The following ATAT1 variants were observed in gnomAD, a reference collection of about 807,000 sequenced individuals.
ATAT1 encodes the protein alpha-tubulin N-acetyltransferase 1.
Under a neutral mutation model 57.2 loss-of-function variants are expected in ATAT1, and 42 were observed. That is an observed-to-expected ratio of 0.73 (90% confidence interval 0.57 to 0.95). The LOEUF (loss-of-function observed/expected upper bound fraction) is 0.95. Among genes scored for constraint, ATAT1 ranks in the 40% least tolerant of loss-of-function variants. The probability of loss-of-function intolerance (pLI) is 0.00; values close to 1 mark genes in which losing one functional copy is unlikely to be tolerated. For missense variants in ATAT1, 454 were observed against 523.7 expected (o/e 0.87, Z 1.30); for synonymous variants, 168 against 187.1 (o/e 0.90, Z 0.83).
chr6:30,643,876 C>T (rs1164086564), intron 10 of ATAT1: 9 of 1,258,948 alleles, frequency 7.1e-6, no homozygotes, highest in Non-Finnish European at 9.0e-6. Flanking sequence ...GAAGCACACT[C>T]TTGCTTGCTG....
In ATAT1 at chr6:30,642,832, A is replaced by AACCCCCCCCCCCCCCCCCCCCCCCCC; in HGVS notation, c.753_754insACCCCCCCCCCCCCCCCCCCCCCCCC (p.Ala252ThrfsTer76). On this transcript the variant is annotated frameshift_variant, in exon 10 of 13. Coordinates refer to ENST00000330083, the MANE Select transcript of ATAT1 (RefSeq NM_001031722.4). LOFTEE classifies it high-confidence loss of function. ...GGGCCCCTCGCCGCGCCACACCTCC[A>AACCCCCCCCCCCCCCCCCCCCCCCCC]GCCCACCCACCCCCCCGCTCCAGCA... The AACCCCCCCCCCCCCCCCCCCCCCCCC allele has an allele frequency of 8.1e-7, 1 of 1,230,750 alleles. No individual in the cohort carries two copies. The highest frequency in any genetic ancestry group is 1.1e-6 in the Non-Finnish European group (1 of 892,690). The allele number at this position is 1,230,750 out of a possible 1,614,324, so 76.2% of individuals were successfully genotyped here.
chr6:30,642,058 T>C (rs78802957), intron 8 of ATAT1, 118 bp from the exon 9 acceptor site: 31,815 of 1,569,070 alleles, frequency 0.02, 900 homozygotes, highest in East Asian at 0.11. Context: ...CTGCAAGTTC[T>C]CAGGAGGAAC....
intron 10 of ATAT1, chr6:30,644,358 T>C: frequency 1.0e-6 from 1 of 985,876 alleles, no homozygotes; most frequent in African/African-American, 1.7e-5. Context: ...GGTCCCGATA[T>C]ACTCCTGTCT....
At chr6:30,644,743 C>T in intron 10 of ATAT1, 2 of 667,494 alleles carry the variant, frequency 3.0e-6, no homozygotes, top group Non-Finnish European at 3.7e-6. Flanking sequence ...CTGTCCCTCT[C>T]ATTTCTCACT....
rs748950049 is a variant in ATAT1 at position 30,627,688 on chromosome 6, G to T, written c.185G>T (p.Arg62Leu). The T allele has an allele frequency of 6.2e-7, 1 of 1,612,822 alleles. No individual in the cohort carries two copies. The highest frequency in any genetic ancestry group is 1.3e-5 in the African/African-American group (1 of 74,882). Residue 62 changes from arginine to leucine, a missense_variant, in exon 3 of 13, where the codon CGC (arginine) becomes CTC (leucine). This residue lies in a region of ATAT1 where 236 missense variants were observed against 284.5 expected (regional missense o/e 0.83). Transcript: ENST00000330083. ...AGTGCATCAAGGATGCAGAGTAACC[G>T]CCATGTTGTTTATATTCTCAAAGAC...
At chr6:30,641,444 C>T (rs925758041) in intron 8 of ATAT1, among the ~76,000 whole-genome samples, 3 of 152,130 alleles carry the variant, frequency 2.0e-5, no homozygotes, top group African/African-American at 7.2e-5. Flanking sequence ...AGGTCTCAGG[C>T]CTGCAGGGGA....
intron 6 of ATAT1, among the ~76,000 whole-genome samples, chr6:30,633,105 CA>C: frequency 6.6e-6 from 1 of 152,202 alleles, no homozygotes; most frequent in East Asian, 1.9e-4. Context: ...GAAGGTAAAG[CA>C]AGTAAGATTT....
At chr6:30,634,144 G>T (rs1379060498) in intron 6 of ATAT1, among the ~76,000 whole-genome samples, 1 of 151,692 alleles carries the variant, frequency 6.6e-6, no homozygotes, top group Non-Finnish European at 1.5e-5. Context: ...AACAGAGGAG[G>T]AAAAAAGAAC....
Position 30,645,930 on chromosome 6 carries a change from G to C in ATAT1, c.968G>C (p.Cys323Ser). Residue 323 changes from cysteine (C) to serine (S), a missense_variant, in exon 11 of 13, where the codon TGC becomes TCC. By Grantham distance (112) the Cys-to-Ser change is moderately radical. Transcript: ENST00000330083. ...CCAGGTCTGGTAGCCCAAAGCTGCT[G>C]CTACAGCCGCCATGGGGGGGTGAAT... 1 of 1,525,742 alleles carries C rather than the reference G, an allele frequency of 6.6e-7. No individual in the cohort carries two copies. The highest frequency in any genetic ancestry group is 8.8e-7 in the Non-Finnish European group (1 of 1,136,232). 94.5% of individuals were successfully genotyped at this position (1,525,742 alleles called of 1,614,324 possible).
chr6:30,631,576 C>G (rs1762882891), intron 6 of ATAT1, among the ~76,000 whole-genome samples: 1 of 150,588 alleles, frequency 6.6e-6, no homozygotes, highest in Non-Finnish European at 1.5e-5. Context: ...CCCAGGAGTT[C>G]GAGACTAGCC....
chr6:30,646,298 G>A (rs1432152279), intron 12 of ATAT1, 171 bp from the exon 13 acceptor site: 2 of 1,448,280 alleles, frequency 1.4e-6, no homozygotes, highest in Non-Finnish European at 1.8e-6. Flanking sequence ...ACTTCCCTTT[G>A]GAATACGGAT....
chr6:30,643,953 T>C, intron 10 of ATAT1: 2 of 1,069,932 alleles, frequency 1.9e-6, no homozygotes, highest in Non-Finnish European at 2.3e-6. Flanking sequence ...TAAGGAATTT[T>C]ATCTATGGGA....
At chr6:30,638,112 C>T (rs1297146190) in intron 6 of ATAT1, among the ~76,000 whole-genome samples, 6 of 152,002 alleles carry the variant, frequency 3.9e-5, no homozygotes, top group South Asian at 2.1e-4. Flanking sequence ...CTCCTGACCT[C>T]GTGATCGGCC....
chr6:30,635,098 GC>G (rs1189614865), intron 6 of ATAT1, among the ~76,000 whole-genome samples: 1 of 152,146 alleles, frequency 6.6e-6, no homozygotes, highest in African/African-American at 2.4e-5. Context: ...GGTTAAAAAG[GC>G]CAAAGATAAA....
At chr6:30,634,400 G>A (rs889813514) in intron 6 of ATAT1, among the ~76,000 whole-genome samples, 3 of 151,596 alleles carry the variant, frequency 2.0e-5, no homozygotes, top group African/African-American at 4.8e-5. Context: ...ACAGGCGCCC[G>A]CCACCACACC....
At chr6:30,642,126 C>G (rs754822200) in intron 8 of ATAT1, 50 bp from the exon 9 acceptor site, 6 of 1,612,362 alleles carry the variant, frequency 3.7e-6, no homozygotes, top group Non-Finnish European at 5.1e-6. Context: ...AGGAGGGGTG[C>G]AAAGTATGTC....
At position 30,642,833 on chromosome 6, in the gene ATAT1, G is replaced by GGGGGGGGACCCCCCCCCCCCC; in HGVS notation, c.754_755insGGGGGGGACCCCCCCCCCCCC (p.Ala252delinsGlyGlyGlyProProProProPro). 6.5e-7 allele frequency: 1 copy of GGGGGGGGACCCCCCCCCCCCC among 1,537,878 alleles called. No individual in the cohort carries two copies. Among genetic ancestry groups the GGGGGGGGACCCCCCCCCCCCC allele is most frequent in the Non-Finnish European group, 8.7e-7 (1 of 1,145,784 alleles). Reference sequence around the variant, plus strand: ...GGCCCCTCGCCGCGCCACACCTCCAGCCCACCCACCCCCCCGCTCCAGCAG... The same window carrying GGGGGGGGACCCCCCCCCCCCC: ...GGCCCCTCGCCGCGCCACACCTCCAGGGGGGGGACCCCCCCCCCCCCCCCACCCACCCCCCCGCTCCAGCAG... On this transcript the variant is annotated protein_altering_variant, in exon 10 of 13. Transcript: ENST00000330083.
chr6:30,642,370 T>C lies in ATAT1; in HGVS notation c.688+123T>C, dbSNP rs191921146. 5.5e-4 allele frequency: 742 copies of C among 1,357,030 alleles called. 9 individuals are homozygous for C. In the Admixed American group the frequency reaches 0.014, roughly 26 times the overall value. 84.1% of individuals were successfully genotyped at this position (1,357,030 alleles called of 1,614,324 possible). ...AGACTCAGATTTCTTGGGCTGGGCATGGTGGCTCATGCCTGTAATCCCAGC... is the reference window on the plus strand; with the variant it reads ...AGACTCAGATTTCTTGGGCTGGGCACGGTGGCTCATGCCTGTAATCCCAGC... On this transcript the variant is annotated intron_variant, in intron 9 of 12. Transcript: ENST00000330083.
chr6:30,632,098 C>G (rs966150908), intron 6 of ATAT1, among the ~76,000 whole-genome samples: 6 of 151,204 alleles, frequency 4.0e-5, no homozygotes, highest in African/African-American at 1.5e-4. Flanking sequence ...CACCTGAGGT[C>G]TCTACTGAAA....
Sources: gnomAD v4.1 joint callset for allele counts (sites outside exome capture counted in the v4.1 genomes callset) on GRCh38, gnomAD v4.1.1 for gene constraint, gnomAD v4.1.1 regional missense constraint, MANE v1.5 for transcripts, NCBI Gene and HGNC (gene_info 2026-07-23, HGNC 2026-07-21) for gene names.